ABCC4: variants seen among roughly 807,000 people sequenced by gnomAD.
The protein encoded by ABCC4 is ATP binding cassette subfamily C member 4 (PEL blood group).
A neutral mutation model predicts 168.5 loss-of-function variants in ABCC4; 102 were observed. The ratio of observed to expected loss-of-function variants is 0.61; its 90% CI spans 0.52 to 0.71. ABCC4 has a LOEUF of 0.71. Among genes scored for constraint, ABCC4 ranks in the 30% least tolerant of loss-of-function variants. ABCC4 has a pLI of 0.00. For missense variants in ABCC4, 1,402 were observed against 1,605.8 expected (o/e 0.87, Z 2.17); for synonymous variants, 617 against 590.7 (o/e 1.04, Z -0.65).
intron 9 of ABCC4, 53 bp from the exon 10 acceptor site, chr13:95,188,595 A>C: frequency 7.0e-7 from 1 of 1,437,806 alleles, no homozygotes; most frequent in African/African-American, 1.4e-5. Flanking sequence ...CACACAAATC[A>C]CTTCAAAAAG....
At chr13:95,075,867 T>C (rs1480809135) in intron 21 of ABCC4, among the ~76,000 whole-genome samples, 7 of 152,304 alleles carry the variant, frequency 4.6e-5, no homozygotes, top group South Asian at 2.1e-4. Flanking sequence ...TATTCTTCCC[T>C]GACATCTCTT....
intron 1 of ABCC4, among the ~76,000 whole-genome samples, chr13:95,256,862 G>A (rs1484920734): frequency 1.3e-5 from 2 of 152,096 alleles, no homozygotes; most frequent in Non-Finnish European, 2.9e-5. Flanking sequence ...TCTCTCATAA[G>A]AGATGACATA....
chr13:95,269,425 C>CCA, intron 1 of ABCC4: 1 of 175,826 alleles, frequency 5.7e-6, no homozygotes, highest in South Asian at 6.5e-5. Context: ...GACTCCATCT[C>CCA]AAAAAAAAAA....
intron 21 of ABCC4, among the ~76,000 whole-genome samples, chr13:95,081,614 C>G (rs1377647192): frequency 1.3e-5 from 2 of 152,228 alleles, no homozygotes. Flanking sequence ...GGTAGCTTAG[C>G]TGGTTTTCTT....
chr13:95,255,218 C>T (rs1468810941), intron 1 of ABCC4, among the ~76,000 whole-genome samples: 1 of 152,196 alleles, frequency 6.6e-6, no homozygotes. Flanking sequence ...ACCGCCAGCA[C>T]ACTTCTCGTG....
At chr13:95,076,424 T>C (rs2033906510) in intron 21 of ABCC4, among the ~76,000 whole-genome samples, 1 of 152,168 alleles carries the variant, frequency 6.6e-6, no homozygotes, top group Non-Finnish European at 1.5e-5. Flanking sequence ...GACTTCTTTT[T>C]TCTTTGGGAG....
At chr13:95,192,651 C>T (rs903622303) in intron 9 of ABCC4, among the ~76,000 whole-genome samples, 6 of 152,288 alleles carry the variant, frequency 3.9e-5, no homozygotes, top group Admixed American at 6.5e-5. Flanking sequence ...GGCACGGTGG[C>T]TCATGCCTGC....
chr13:95,145,751 T>G (rs933685932), intron 19 of ABCC4, among the ~76,000 whole-genome samples: 1 of 152,138 alleles, frequency 6.6e-6, no homozygotes. Context: ...ATATACACCA[T>G]GGAATACTAC....
chr13:95,051,414 G>A (rs1410596356), intron 27 of ABCC4, among the ~76,000 whole-genome samples: 1 of 152,152 alleles, frequency 6.6e-6, no homozygotes, highest in Non-Finnish European at 1.5e-5. Context: ...TGTCACTCAG[G>A]CTGGAGTGCA....
At chr13:95,282,640 T>C (rs1429432367) in intron 1 of ABCC4, among the ~76,000 whole-genome samples, 1 of 152,028 alleles carries the variant, frequency 6.6e-6, no homozygotes, top group African/African-American at 2.4e-5. Context: ...GTTCAAACAA[T>C]TCTCCTGCCT....
At chr13:95,221,961 G>C (rs1466099068) in intron 4 of ABCC4, among the ~76,000 whole-genome samples, 1 of 152,114 alleles carries the variant, frequency 6.6e-6, no homozygotes, top group African/African-American at 2.4e-5. Flanking sequence ...CTTCCCTGAG[G>C]CACAAATTAA....
intron 1 of ABCC4, among the ~76,000 whole-genome samples, chr13:95,262,545 C>T (rs1468072674): frequency 6.6e-6 from 1 of 152,126 alleles, no homozygotes; most frequent in Admixed American, 6.5e-5. Flanking sequence ...TCTTGCAGTC[C>T]TTCACGGACA....
chr13:95,085,679 GC>G (rs1386522437), intron 20 of ABCC4, among the ~76,000 whole-genome samples: 4 of 152,146 alleles, frequency 2.6e-5, no homozygotes, highest in Admixed American at 2.6e-4. Context: ...CACCAGCCCA[GC>G]ATCTGGCCTA....
At chr13:95,234,526 G>A (rs929743735) in intron 4 of ABCC4, 84 bp downstream of exon 4, 63 of 1,120,352 alleles carry the variant, frequency 5.6e-5, no homozygotes, top group Non-Finnish European at 7.7e-5. Flanking sequence ...GGCTATTTAT[G>A]CAGTATTTAA....
intron 19 of ABCC4, among the ~76,000 whole-genome samples, chr13:95,156,646 G>A (rs2036866220): frequency 6.6e-6 from 1 of 152,060 alleles, no homozygotes; most frequent in African/African-American, 2.4e-5. Context: ...ATTCAACTCA[G>A]GTCATAATCA....
intron 1 of ABCC4, among the ~76,000 whole-genome samples, chr13:95,255,374 A>G (rs960948782): frequency 6.6e-6 from 1 of 152,140 alleles, no homozygotes; most frequent in East Asian, 1.9e-4. Flanking sequence ...GATTTCTTCA[A>G]TCTCCTCCCA....
intron 14 of ABCC4, among the ~76,000 whole-genome samples, chr13:95,166,874 T>G (rs1383561613): frequency 2.0e-5 from 3 of 152,056 alleles, no homozygotes; most frequent in African/African-American, 7.2e-5. Context: ...GAACTGCACC[T>G]TCACGGTCTT....
intron 8 of ABCC4, among the ~76,000 whole-genome samples, chr13:95,199,845 C>T (rs1426543778): frequency 6.6e-6 from 1 of 152,112 alleles, no homozygotes; most frequent in Admixed American, 6.5e-5. Flanking sequence ...CAGGGAAATG[C>T]AGGGCATCAG....
At chr13:95,289,872 G>A (rs1054180698) in intron 1 of ABCC4, among the ~76,000 whole-genome samples, 6 of 152,070 alleles carry the variant, frequency 3.9e-5, no homozygotes, top group Non-Finnish European at 8.8e-5. Flanking sequence ...CAAGGCTGAC[G>A]GATCACCTGA....
Sources: gnomAD v4.1 joint callset for allele counts (sites outside exome capture counted in the v4.1 genomes callset) on GRCh38, gnomAD v4.1.1 for gene constraint, MANE v1.5 for transcripts, NCBI Gene and HGNC (gene_info 2026-07-23, HGNC 2026-07-21) for gene names.